The following NOC3L variants were observed in gnomAD, a reference collection of about 807,000 sequenced individuals.
NOC3L encodes NOC3 like DNA replication regulator.
NOC3L carries 85 observed loss-of-function variants against 102.5 expected under a neutral mutation model. The ratio of observed to expected loss-of-function variants is 0.83; its 90% CI spans 0.70 to 0.99. The LOEUF is 0.99. Ranked by LOEUF, NOC3L falls within the 50% of genes least tolerant of loss-of-function variation. The pLI is 0.00. For missense variants in NOC3L, 878 were observed against 914.9 expected, an observed-to-expected ratio of 0.96 and a Z score of 0.52; for synonymous variants, 303 against 309.4, an observed-to-expected ratio of 0.98 and a Z score of 0.22.
downstream of NOC3L, chr10:94,331,162 G>C (rs756080534): frequency 2.5e-4 from 38 of 152,124 alleles, no homozygotes; most frequent in Non-Finnish European, 2.1e-4. Flanking sequence ...ATGAAGTCTA[G>C]ACTCAACAAA....
Position 94,357,795 on chromosome 10 carries a change from T to C in NOC3L, c.350+288A>G, listed in dbSNP as rs556351771. On this transcript the variant is annotated intron_variant, in intron 3 of 20. Coordinates refer to ENST00000371361, the MANE Select transcript of NOC3L (RefSeq NM_022451.11). ...GGGTAATGAGGATTAAGTGAAATCA[T>C]AGCCGTAGGAACTCAGAACTGTTCT... 2.7e-4 allele frequency: 97 copies of C among 360,732 alleles called. 3 individuals are homozygous for C. In the South Asian group the frequency reaches 3.7e-3, roughly 14 times the overall value. 22.3% of individuals were successfully genotyped at this position (360,732 alleles called of 1,614,324 possible). A position where few individuals can be genotyped will look rare whatever the true frequency, so the allele number is the denominator to read the frequency against.
chr10:94,355,923 T>C (rs2054478274), intron 5 of NOC3L, among the ~76,000 whole-genome samples: 1 of 152,208 alleles, frequency 6.6e-6, no homozygotes, highest in Non-Finnish European at 1.5e-5. Flanking sequence ...TAATCTGTAA[T>C]GGTTTTATGA....
At chr10:94,361,015 AAAT>A (rs757642702) in intron 2 of NOC3L, among the ~76,000 whole-genome samples, 2 of 152,090 alleles carry the variant, frequency 1.3e-5, no homozygotes, top group African/African-American at 4.8e-5. Context: ...TGTCTATTTA[AAAT>A]AATAATAATA....
intron 19 of NOC3L, 143 bp downstream of exon 19, chr10:94,337,634 C>A: frequency 1.8e-6 from 1 of 553,928 alleles, no homozygotes; most frequent in African/African-American, 1.9e-5. Context: ...CAGAACAATT[C>A]AGGAATATGA....
At chr10:94,319,084 G>C in the NOC3L span, among the ~76,000 whole-genome samples, 1 of 152,014 alleles carries the variant, frequency 6.6e-6, no homozygotes, top group Non-Finnish European at 1.5e-5. Flanking sequence ...CAGGCAGTAG[G>C]GACCTCAGGA....
At chr10:94,318,020 T>G in the NOC3L span, among the ~76,000 whole-genome samples, 1 of 152,154 alleles carries the variant, frequency 6.6e-6, no homozygotes, top group African/African-American at 2.4e-5. Context: ...TTTTAACCAT[T>G]GTGTGTTTTC....
intron 14 of NOC3L, among the ~76,000 whole-genome samples, chr10:94,340,930 G>A (rs1197262584): frequency 6.7e-6 from 1 of 148,676 alleles, no homozygotes; most frequent in African/African-American, 2.5e-5. Flanking sequence ...GCAGTGAGCC[G>A]AGATCACGCC....
intron 13 of NOC3L, among the ~76,000 whole-genome samples, chr10:94,342,327 A>C (rs180909929): frequency 1.6e-4 from 24 of 152,296 alleles, no homozygotes; most frequent in Non-Finnish European, 3.1e-4. Flanking sequence ...GAGTTACTCC[A>C]TATACTATAG....
intron 8 of NOC3L, among the ~76,000 whole-genome samples, chr10:94,350,716 C>CAA (rs201167962): frequency 0.024 from 1,490 of 62,534 alleles, 40 homozygotes; most frequent in African/African-American, 0.064. Context: ...GACATCGTCT[C>CAA]AAAAAAAAAA....
the NOC3L span, chr10:94,324,513 A>G: frequency 2.5e-6 from 4 of 1,614,196 alleles, no homozygotes; most frequent in African/African-American, 1.3e-5. Context: ...TTCAAGCCCA[A>G]AGCAAGTGGA....
chr10:94,338,295 T>C (rs2054245001), intron 18 of NOC3L, among the ~76,000 whole-genome samples: 1 of 152,142 alleles, frequency 6.6e-6, no homozygotes, highest in Non-Finnish European at 1.5e-5. Flanking sequence ...TCAACAGAAA[T>C]GTACCTGATA....
intron 10 of NOC3L, among the ~76,000 whole-genome samples, chr10:94,347,671 C>G (rs1443382073): frequency 6.6e-6 from 1 of 151,966 alleles, no homozygotes; most frequent in Non-Finnish European, 1.5e-5. Context: ...GCTTAACACC[C>G]AAAACTGTAT....
the NOC3L span, among the ~76,000 whole-genome samples, chr10:94,320,323 T>C: frequency 2.0e-5 from 3 of 152,076 alleles, no homozygotes; most frequent in Non-Finnish European, 2.9e-5. Flanking sequence ...TTTTCACTCA[T>C]TGAAAAAAGT....
At chr10:94,355,218 C>A (rs1270880993) in intron 5 of NOC3L, 125 bp from the exon 6 acceptor site, 1 of 724,828 alleles carries the variant, frequency 1.4e-6, no homozygotes, top group East Asian at 2.8e-5. Context: ...TACTACTACA[C>A]ATCATCTCCT....
chr10:94,319,495 C>T, the NOC3L span, among the ~76,000 whole-genome samples: 1 of 152,136 alleles, frequency 6.6e-6, no homozygotes, highest in South Asian at 2.1e-4. Context: ...ATCTCTCCTG[C>T]CTTTTATAAT....
intron 17 of NOC3L, among the ~76,000 whole-genome samples, chr10:94,339,064 AT>A (rs558184955): frequency 1.3e-4 from 20 of 152,320 alleles, no homozygotes; most frequent in Non-Finnish European, 2.6e-4. Flanking sequence ...CTATAGCATC[AT>A]TTGTAATAGC....
chr10:94,344,760 C>T, intron 12 of NOC3L, 93 bp downstream of exon 12: 1 of 1,128,732 alleles, frequency 8.9e-7, no homozygotes, highest in Non-Finnish European at 1.3e-6. Flanking sequence ...ATGAAAGAAA[C>T]CAAAATTACA....
Position 94,344,477 on chromosome 10 carries a change from G to C in NOC3L, c.1509C>G (p.Phe503Leu), listed in dbSNP as rs544898391. 1.9e-6 allele frequency: 3 copies of C among 1,613,784 alleles called. No homozygotes were observed. Among genetic ancestry groups the C allele is most frequent in the African/African-American group, 2.7e-5 (2 of 75,038 alleles). The change falls in exon 13 of 21, where the codon TTC becomes TTG. Residue 503 changes from phenylalanine (F) to leucine (L), a missense_variant. Coordinates refer to ENST00000371361, the MANE Select transcript of NOC3L (RefSeq NM_022451.11). Reference protein sequence around the residue: ...ETLNIVFVTYFRILKKAQRSP... With the variant: ...ETLNIVFVTYLRILKKAQRSP... ...ACCTCTGGGCCTTCTTCAATATTCTGAAGTAGGTTACAAACACAATATTCA... is the reference window on the plus strand; with the variant it reads ...ACCTCTGGGCCTTCTTCAATATTCTCAAGTAGGTTACAAACACAATATTCA...
At chr10:94,349,467 A>T in intron 9 of NOC3L, 89 bp from the exon 10 acceptor site, 5 of 1,218,750 alleles carry the variant, frequency 4.1e-6, no homozygotes, top group Non-Finnish European at 5.6e-6. Flanking sequence ...TTGTAGGGGG[A>T]CTGTCCTAGG....
Sources: allele counts gnomAD v4.1 joint callset (sites outside exome capture counted in the v4.1 genomes callset), GRCh38; gene constraint gnomAD v4.1.1; transcripts MANE v1.5; gene names NCBI Gene and HGNC (gene_info 2026-07-23, HGNC 2026-07-21).